The following SNTB2 variants were observed in gnomAD, a reference collection of about 807,000 sequenced individuals.
The protein encoded by SNTB2 is beta-2-syntrophin.
Under a neutral mutation model 46.2 loss-of-function variants are expected in SNTB2, and 34 were observed. The observed-to-expected ratio is 0.74, with a 90% CI of 0.56 to 0.98. The LOEUF (loss-of-function observed/expected upper bound fraction) is 0.98. Ranked by LOEUF, SNTB2 falls within the 50% of genes least tolerant of loss-of-function variation. SNTB2 has a pLI of 0.00. For missense variants in SNTB2, 603 were observed against 731.4 expected (o/e 0.82, Z 2.02); for synonymous variants, 290 against 312.6 (o/e 0.93, Z 0.76).
chr16:69,242,258 T>A (rs989264133), intron 1 of SNTB2, among the ~76,000 whole-genome samples: 19 of 152,012 alleles, frequency 1.2e-4, no homozygotes, highest in Non-Finnish European at 2.2e-4. Context: ...AGACCTTGTC[T>A]CTACAAAAAA....
chr16:69,270,430 T>C, intron 4 of SNTB2, 145 bp downstream of exon 4: 1 of 896,200 alleles, frequency 1.1e-6, no homozygotes, highest in Non-Finnish European at 1.7e-6. Flanking sequence ...ATTTTTTGTT[T>C]TACAACCTTA....
intron 1 of SNTB2, among the ~76,000 whole-genome samples, chr16:69,205,316 ATTT>A (rs34575541): frequency 1.2e-3 from 158 of 130,968 alleles, no homozygotes; most frequent in African/African-American, 2.1e-3. Flanking sequence ...CGCTTGGCAA[ATTT>A]TTTTTTTTTT....
chr16:69,207,156 T>TTC (rs765805895), intron 1 of SNTB2, among the ~76,000 whole-genome samples: 5 of 141,778 alleles, frequency 3.5e-5, no homozygotes, highest in Non-Finnish European at 6.2e-5. Flanking sequence ...CTTTCTTTCT[T>TTC]TTTTTTTTTT....
intron 4 of SNTB2, 90 bp from the exon 5 acceptor site, chr16:69,283,958 A>G: frequency 1.6e-6 from 2 of 1,231,662 alleles, no homozygotes; most frequent in Non-Finnish European, 2.3e-6. Flanking sequence ...GATTGCTTTT[A>G]TAAGTTTCTC....
intron 3 of SNTB2, among the ~76,000 whole-genome samples, chr16:69,268,353 A>G (rs1597193502): frequency 6.6e-6 from 1 of 152,162 alleles, no homozygotes; most frequent in East Asian, 1.9e-4. Context: ...AATCTCAGGT[A>G]GTTGGGAGGC....
intron 4 of SNTB2, among the ~76,000 whole-genome samples, chr16:69,276,790 T>C (rs958364424): frequency 1.3e-5 from 2 of 152,208 alleles, no homozygotes; most frequent in South Asian, 4.1e-4. Context: ...GCTGGCACCT[T>C]AGCATGAATC....
chr16:69,187,573 A>G lies in SNTB2; in HGVS notation c.407A>G (p.Asn136Ser). The G allele has an allele frequency of 6.6e-7, 1 of 1,524,726 alleles. No individual in the cohort carries two copies. Among genetic ancestry groups the G allele is most frequent in the East Asian group, 2.7e-5 (1 of 36,850 alleles). The allele number at this position is 1,524,726 out of a possible 1,614,324, so 94.4% of individuals were successfully genotyped here. Residue 136 changes from asparagine (N) to serine (S), a missense_variant, in exon 1 of 7, where the codon AAC becomes AGC. Around this residue, in one of 2 missense-constraint regions of SNTB2, gnomAD observed 537 missense variants for 692.4 expected, o/e 0.78. Coordinates refer to ENST00000336278, the MANE Select transcript of SNTB2 (RefSeq NM_006750.4). ...ATCAGCATCAAGGGCGGCCGCGAGAACCGGATGCCGATCCTCATCTCCAAG... is the reference window on the plus strand; with the variant it reads ...ATCAGCATCAAGGGCGGCCGCGAGAGCCGGATGCCGATCCTCATCTCCAAG... ...LGISIKGGRENRMPILISKIF... is the reference protein window; with the variant it reads ...LGISIKGGRESRMPILISKIF...
intron 2 of SNTB2, among the ~76,000 whole-genome samples, chr16:69,257,697 G>C (rs1046580815): frequency 6.6e-6 from 1 of 152,018 alleles, no homozygotes; most frequent in African/African-American, 2.4e-5. Flanking sequence ...CACCTGCCTC[G>C]GCCTCCCAAA....
intron 5 of SNTB2, among the ~76,000 whole-genome samples, chr16:69,284,775 A>G (rs1965085963): frequency 6.6e-6 from 1 of 152,154 alleles, no homozygotes; most frequent in Non-Finnish European, 1.5e-5. Context: ...CTCCGTCTCA[A>G]AAACAAACAA....
At chr16:69,295,072 C>T (rs563899681) in intron 5 of SNTB2, among the ~76,000 whole-genome samples, 1 of 152,010 alleles carries the variant, frequency 6.6e-6, no homozygotes, top group Admixed American at 6.6e-5. Context: ...CCACCTGCCT[C>T]GGCCTCCCAA....
intron 5 of SNTB2, among the ~76,000 whole-genome samples, chr16:69,294,348 T>C (rs1965202883): frequency 6.6e-6 from 1 of 152,114 alleles, no homozygotes; most frequent in South Asian, 2.1e-4. Flanking sequence ...TACATCATGC[T>C]TGTATCATCA....
At chr16:69,198,098 A>ATTT (rs34676761) in intron 1 of SNTB2, among the ~76,000 whole-genome samples, 2 of 128,378 alleles carry the variant, frequency 1.6e-5, no homozygotes, top group Non-Finnish European at 3.3e-5. Flanking sequence ...AACAGAGTTG[A>ATTT]TTTTTTTTTT....
chr16:69,283,069 A>C (rs1295040931), intron 4 of SNTB2, among the ~76,000 whole-genome samples: 1 of 152,026 alleles, frequency 6.6e-6, no homozygotes, highest in Non-Finnish European at 1.5e-5. Context: ...TCAGCCTCCC[A>C]AGTAGCTGGG....
rs1965280086 is a variant in SNTB2 at position 69,301,975 on chromosome 16, TTGG to T, written c.*1055_*1057del. 1 of 152,148 alleles carries T rather than the reference TTGG, an allele frequency of 6.6e-6. No individual in the cohort carries two copies. The highest frequency in any genetic ancestry group is 6.5e-5 in the Admixed American group (1 of 15,270). 9.4% of individuals were successfully genotyped at this position (152,148 alleles called of 1,614,324 possible). A position where few individuals can be genotyped will look rare whatever the true frequency, so the allele number is the denominator to read the frequency against. ...GAGCCAGCCTGCTTGAGGAGTAGAC[TTGG>T]TGGGTGAAGCCAGCAATTCCGCACA... On this transcript the variant is annotated 3_prime_UTR_variant, in exon 7 of 7. Coordinates refer to ENST00000336278, the MANE Select transcript of SNTB2 (RefSeq NM_006750.4).
rs1446017209 is a variant in SNTB2, at chr16:69,301,132, T to C, written c.*208T>C. 1 of 448,796 alleles carries C rather than the reference T, an allele frequency of 2.2e-6. No homozygotes were observed. Among genetic ancestry groups the C allele is most frequent in the Non-Finnish European group, 4.0e-6 (1 of 248,068 alleles). 27.8% of individuals were successfully genotyped at this position (448,796 alleles called of 1,614,324 possible). A position where few individuals can be genotyped will look rare whatever the true frequency, so the allele number is the denominator to read the frequency against. ...CAGATATTCTAGCACTCTAAAAGGC[T>C]CCAAAATGAAGCTGTTGATTTATTC... On this transcript the variant is annotated 3_prime_UTR_variant, in exon 7 of 7. Transcript: ENST00000336278.
intron 3 of SNTB2, among the ~76,000 whole-genome samples, chr16:69,269,196 A>G (rs1165557493): frequency 6.6e-6 from 1 of 151,716 alleles, no homozygotes; most frequent in Non-Finnish European, 1.5e-5. Flanking sequence ...AAAATACAAC[A>G]TAGTGAACCG....
chr16:69,201,012 T>C (rs1964155760), intron 1 of SNTB2, among the ~76,000 whole-genome samples: 1 of 152,204 alleles, frequency 6.6e-6, no homozygotes, highest in African/African-American at 2.4e-5. Flanking sequence ...CACTGAAAAC[T>C]CAGACAAATC....
intron 1 of SNTB2, among the ~76,000 whole-genome samples, chr16:69,220,286 C>G (rs1180814818): frequency 6.6e-6 from 1 of 150,592 alleles, no homozygotes; most frequent in Admixed American, 6.6e-5. Flanking sequence ...CTCAGCCTCC[C>G]GAGTAGCTGG....
At chr16:69,215,166 C>T (rs1412098700) in intron 1 of SNTB2, among the ~76,000 whole-genome samples, 1 of 152,178 alleles carries the variant, frequency 6.6e-6, no homozygotes, top group African/African-American at 2.4e-5. Context: ...CCTATTTTAA[C>T]TTTAAGTAAG....
Sources: gnomAD v4.1 joint callset for allele counts (sites outside exome capture counted in the v4.1 genomes callset) on GRCh38, gnomAD v4.1.1 for gene constraint, gnomAD v4.1.1 regional missense constraint, MANE v1.5 for transcripts, NCBI Gene and HGNC (gene_info 2026-07-23, HGNC 2026-07-21) for gene names.